The following UGT1A8 variants were observed in gnomAD, a reference collection of about 807,000 sequenced individuals.
The protein encoded by UGT1A8 is UDP-glucuronosyltransferase 1A8.
UGT1A8 carries 39 observed loss-of-function variants against 45.3 expected under a neutral mutation model. The ratio of observed to expected loss-of-function variants is 0.86; its 90% CI spans 0.67 to 1.12. UGT1A8 has a LOEUF of 1.12. Ranked by LOEUF, UGT1A8 falls within the 50% of genes most tolerant of loss-of-function variation. The pLI is 0.00. For missense variants in UGT1A8, 719 were observed against 664.9 expected (o/e 1.08, Z -0.90); for synonymous variants, 275 against 249.2 (o/e 1.10, Z -0.97).
Position 233,772,514 on chromosome 2 carries a change from GA to G in UGT1A8, c.1554del (p.Arg520GlufsTer22). ...CAYGYRKCLG[K>X]KGRVKKAHKS... ...CTTATGGCTACCGGAAATGCTTGGGGAAAAAAGGGCGAGTTAAGAAAGCCCA... is the reference window on the plus strand; with the variant it reads ...CTTATGGCTACCGGAAATGCTTGGGGAAAAAGGGCGAGTTAAGAAAGCCCA... On this transcript the variant is annotated frameshift_variant, in exon 5 of 5. Coordinates refer to ENST00000373450, the MANE Select transcript of UGT1A8 (RefSeq NM_019076.5). LOFTEE classifies it high-confidence loss of function. 6.2e-7 allele frequency: 1 copy of G among 1,614,126 alleles called. No individual in the cohort carries two copies. Among genetic ancestry groups the G allele is most frequent in the Non-Finnish European group, 8.5e-7 (1 of 1,180,014 alleles).
At chr2:233,705,798 A>G (rs1030197407) in intron 1 of UGT1A8, among the ~76,000 whole-genome samples, 10 of 152,194 alleles carry the variant, frequency 6.6e-5, no homozygotes, top group Non-Finnish European at 1.5e-4. Context: ...CCCCTTGTTC[A>G]AAAATTATTA....
chr2:233,638,314 A>T (rs1257471813), intron 1 of UGT1A8, among the ~76,000 whole-genome samples: 1 of 152,080 alleles, frequency 6.6e-6, no homozygotes, highest in Non-Finnish European at 1.5e-5. Context: ...CAATGTTTCC[A>T]TTTCTACATT....
intron 1 of UGT1A8, among the ~76,000 whole-genome samples, chr2:233,757,409 T>C (rs1456650401): frequency 6.6e-6 from 1 of 151,334 alleles, no homozygotes; most frequent in Non-Finnish European, 1.5e-5. Context: ...ATGCAGGGTC[T>C]AGAACGAAAA....
chr2:233,690,980 A>C, intron 1 of UGT1A8: 2 of 997,300 alleles, frequency 2.0e-6, no homozygotes, highest in Non-Finnish European at 2.4e-6. Context: ...AACAGGACCC[A>C]CATATGAGCA....
At chr2:233,749,714 G>C (rs1485343485) in intron 1 of UGT1A8, among the ~76,000 whole-genome samples, 2 of 151,806 alleles carry the variant, frequency 1.3e-5, no homozygotes, top group Non-Finnish European at 2.9e-5. Flanking sequence ...TGGATCATGG[G>C]GGCAGTTTCG....
chr2:233,711,423 C>G (rs2076180773), intron 1 of UGT1A8, among the ~76,000 whole-genome samples: 1 of 152,194 alleles, frequency 6.6e-6, no homozygotes. Context: ...CAGGAGGGTG[C>G]TTAGGATGCA....
At chr2:233,733,659 C>T (rs1240175939) in intron 1 of UGT1A8, among the ~76,000 whole-genome samples, 3 of 152,202 alleles carry the variant, frequency 2.0e-5, no homozygotes, top group Non-Finnish European at 2.9e-5. Context: ...ATGAAGCCGA[C>T]TTGATCGATG....
chr2:233,695,421 GCCT>G (rs1300912174), intron 1 of UGT1A8, among the ~76,000 whole-genome samples: 1 of 136,992 alleles, frequency 7.3e-6, no homozygotes, highest in Non-Finnish European at 1.6e-5. Context: ...ACCGCGCCCG[GCCT>G]TCTTCTTCTT....
chr2:233,665,153 C>T (rs774417656), intron 1 of UGT1A8, among the ~76,000 whole-genome samples: 2 of 152,126 alleles, frequency 1.3e-5, no homozygotes, highest in Non-Finnish European at 2.9e-5. Flanking sequence ...TTGCATTTTT[C>T]ATTTGCCAAT....
In UGT1A8 at chr2:233,725,076, A is replaced by G. The variant is rs376662690; in HGVS notation, c.856-41958A>G. ...GCGGCGCGCGCCTGCAATCGCAGGC[A>G]CTCGGCAGGCTGAGGCAGGAGAATC... On this transcript the variant is annotated intron_variant, in intron 1 of 4. Transcript: ENST00000373450. 5.6e-3 allele frequency among the ~76,000 whole-genome samples: 814 copies of G among 144,798 alleles called. 36 individuals carry two copies. Among genetic ancestry groups the G allele is most frequent in the Non-Finnish European group, 8.9e-3 (583 of 65,736 alleles). 95.0% of individuals were successfully genotyped at this position (144,798 alleles called of 152,430 possible).
chr2:233,757,549 T>C lies in UGT1A8; in HGVS notation c.856-9485T>C, dbSNP rs1446411737. Among the ~76,000 whole-genome samples, 177 of 133,748 alleles carry C rather than the reference T, an allele frequency of 1.3e-3. 1 individual carries two copies. The highest frequency in any genetic ancestry group is 1.5e-3 in the Non-Finnish European group (97 of 64,202). The allele number at this position is 133,748 out of a possible 152,430, so 87.7% of individuals were successfully genotyped here. ...TGCCTGTAAGGAATATATATATATATATATATATATATGTATATATGATAT... is the reference window on the plus strand; with the variant it reads ...TGCCTGTAAGGAATATATATATATACATATATATATATGTATATATGATAT... On this transcript the variant is annotated intron_variant, in intron 1 of 4. Transcript: ENST00000373450.
chr2:233,761,878 A>G (rs1435325744), intron 1 of UGT1A8, among the ~76,000 whole-genome samples: 1 of 152,196 alleles, frequency 6.6e-6, no homozygotes, highest in African/African-American at 2.4e-5. Flanking sequence ...GAGAGCGTTC[A>G]TTCACTTATC....
At chr2:233,743,640 A>T in intron 1 of UGT1A8, 1 of 1,367,298 alleles carries the variant, frequency 7.3e-7, no homozygotes, top group Non-Finnish European at 9.8e-7. Context: ...GGGTCGCGGA[A>T]GCTGAAGACG....
chr2:233,729,880 G>A (rs746200260), intron 1 of UGT1A8: 2 of 1,613,860 alleles, frequency 1.2e-6, no homozygotes, highest in Non-Finnish European at 1.7e-6. Flanking sequence ...TCTCAGTCAT[G>A]CATCTGTGTG....
At chr2:233,646,079 G>T (rs1339790013) in intron 1 of UGT1A8, among the ~76,000 whole-genome samples, 1 of 152,228 alleles carries the variant, frequency 6.6e-6, no homozygotes, top group Non-Finnish European at 1.5e-5. Context: ...TGCACCCACA[G>T]TCTCAACCCC....
intron 1 of UGT1A8, among the ~76,000 whole-genome samples, chr2:233,711,645 C>G (rs757300955): frequency 1.3e-4 from 20 of 152,188 alleles, no homozygotes; most frequent in Non-Finnish European, 2.5e-4. Context: ...CCCATGGGTT[C>G]TGTCCAAAGG....
intron 1 of UGT1A8, among the ~76,000 whole-genome samples, chr2:233,658,443 C>CT (rs1473044456): frequency 6.6e-6 from 1 of 152,120 alleles, no homozygotes; most frequent in African/African-American, 2.4e-5. Context: ...ACCTAATGTC[C>CT]TTTTTCATTT....
chr2:233,763,622 CTT>C (rs1698359948), intron 1 of UGT1A8, among the ~76,000 whole-genome samples: 1 of 152,186 alleles, frequency 6.6e-6, no homozygotes, highest in Non-Finnish European at 1.5e-5. Context: ...TACCATTCCT[CTT>C]GTGTTGATGG....
chr2:233,633,210 G>C (rs962362346), intron 1 of UGT1A8, among the ~76,000 whole-genome samples: 1 of 152,142 alleles, frequency 6.6e-6, no homozygotes, highest in Non-Finnish European at 1.5e-5. Context: ...GACTCAGTTT[G>C]CCAGTACTTT....
Sources: gnomAD v4.1 joint callset for allele counts (sites outside exome capture counted in the v4.1 genomes callset) on GRCh38, gnomAD v4.1.1 for gene constraint, MANE v1.5 for transcripts, NCBI Gene and HGNC (gene_info 2026-07-23, HGNC 2026-07-21) for gene names.